Variants in GPM6B observed in about 807,000 individuals in gnomAD.
GPM6B encodes neuronal membrane glycoprotein M6-b.
In GPM6B, 4 loss-of-function variants were observed where a neutral mutation model predicts 27.2. The observed-to-expected ratio is 0.15, with a 90% CI of 0.07 to 0.34. The LOEUF (loss-of-function observed/expected upper bound fraction) is 0.34, where lower values mean the gene tolerates loss of function less well. Ranked by LOEUF, GPM6B falls within the 10% of genes least tolerant of loss-of-function variation. GPM6B has a pLI of 1.00. For synonymous variants in GPM6B, 124 were observed against 103.1 expected, an observed-to-expected ratio of 1.20 and a Z score of -1.23; for missense variants, 183 against 261.9, an observed-to-expected ratio of 0.70 and a Z score of 2.08.
At chrX:13,817,997 G>A (rs1212018088), upstream of GPM6B, among the ~76,000 whole-genome samples, 1 of 111,760 alleles carries the variant, frequency 8.9e-6, no homozygotes, top group East Asian at 2.8e-4. Context: ...AAATCGAAGG[G>A]GTGTTTTCAA....
chrX:13,778,461 GT>G (rs2048457072), intron 5 of GPM6B, among the ~76,000 whole-genome samples: 1 of 112,330 alleles, frequency 8.9e-6, no homozygotes, highest in Non-Finnish European at 1.9e-5. Flanking sequence ...AATGACAGTT[GT>G]CCAGTGGGCT....
intron 1 of GPM6B, among the ~76,000 whole-genome samples, chrX:13,936,951 T>C (rs1454371924): frequency 8.9e-6 from 1 of 112,546 alleles, no homozygotes; most frequent in Non-Finnish European, 1.9e-5. Context: ...TCAGAAAAAG[T>C]AGTTGATGCT....
chrX:13,824,905 G>A (rs1480496618), intron 1 of GPM6B, among the ~76,000 whole-genome samples: 3 of 111,967 alleles, frequency 2.7e-5, no homozygotes, highest in Non-Finnish European at 1.9e-5. Flanking sequence ...GGGCGGGGCC[G>A]TGTTTTCCAT....
chrX:13,925,490 CT>C (rs57186854), intron 1 of GPM6B, among the ~76,000 whole-genome samples: 81 of 79,865 alleles, frequency 1.0e-3, no homozygotes, highest in African/African-American at 1.3e-3. Flanking sequence ...CCATGTCTGG[CT>C]TTTTTTTTTT....
intron 1 of GPM6B, among the ~76,000 whole-genome samples, chrX:13,810,659 C>T (rs1315492951): frequency 1.9e-5 from 2 of 102,654 alleles, no homozygotes; most frequent in Non-Finnish European, 3.9e-5. Context: ...TAGGCAATGA[C>T]AATGAAAAAC....
chrX:13,828,083 A>G lies in GPM6B; in HGVS notation c.-197-42275T>C, dbSNP rs2049397216. On this transcript the variant is annotated intron_variant, in intron 1 of 6. Transcript: ENST00000398361. ...ATGTCACAATGATCTGAGCAACAGA[A>G]AGCATCCAACAAACCCAGGGGTTGG... Among the ~76,000 whole-genome samples, 5 of 111,186 alleles carry G rather than the reference A, an allele frequency of 4.5e-5. No individual in the cohort carries two copies. The South Asian group carries it at 1.9e-3, about 43-fold the overall frequency.
At chrX:13,919,450 G>A (rs2050457612) in intron 1 of GPM6B, among the ~76,000 whole-genome samples, 1 of 111,759 alleles carries the variant, frequency 8.9e-6, no homozygotes, top group Non-Finnish European at 1.9e-5. Flanking sequence ...AGATTATATT[G>A]AATTTTTCTC....
intron 1 of GPM6B, among the ~76,000 whole-genome samples, chrX:13,811,197 A>T (rs1053146485): frequency 3.5e-5 from 4 of 112,729 alleles, no homozygotes; most frequent in Non-Finnish European, 7.5e-5. Context: ...ATGAAGACAG[A>T]CACAGCTGTG....
At chrX:13,774,448 G>A (rs2048368679) in intron 7 of GPM6B, 3 of 1,158,691 alleles carry the variant, frequency 2.6e-6, no homozygotes, top group Non-Finnish European at 3.4e-6. Context: ...ACAAATTACT[G>A]TAACAAAATT....
chrX:13,772,911 C>T lies in GPM6B; in HGVS notation c.957G>A (p.Arg319=). 8.3e-7 allele frequency: 1 copy of T among 1,210,594 alleles called. No individual in the cohort carries two copies. Residue 319 remains arginine, a synonymous_variant, in exon 8 of 8, where the codon CGG becomes CGA. Transcript: ENST00000316715. ...EEQELQDIQS[R]SKEQLNSYT ...TGTAAGAATTGAGTTGTTCTTTTGA[C>T]CGAGACTGGATATCTTGCAGTTCCT...
chrX:13,856,347 T>C (rs368573654), intron 1 of GPM6B, among the ~76,000 whole-genome samples: 1 of 111,406 alleles, frequency 9.0e-6, no homozygotes, highest in East Asian at 2.8e-4. Context: ...GAATACCTCC[T>C]CCAGAGCTTT....
chrX:13,832,030 G>C (rs746608196), intron 1 of GPM6B, among the ~76,000 whole-genome samples: 3 of 111,559 alleles, frequency 2.7e-5, no homozygotes, highest in South Asian at 7.5e-4. Context: ...TCATGAACTG[G>C]GAATTACAAT....
intron 1 of GPM6B, among the ~76,000 whole-genome samples, chrX:13,928,305 T>A (rs1921308568): frequency 8.9e-6 from 1 of 112,550 alleles, no homozygotes; most frequent in Admixed American, 9.4e-5. Context: ...CACTTATGAT[T>A]TGCCCACTTT....
intron 1 of GPM6B, among the ~76,000 whole-genome samples, chrX:13,876,970 A>G (rs2050039916): frequency 9.0e-6 from 1 of 111,253 alleles, no homozygotes; most frequent in Non-Finnish European, 1.9e-5. Context: ...GTGCACAGAC[A>G]AGACCATTTT....
intron 1 of GPM6B, among the ~76,000 whole-genome samples, chrX:13,877,742 C>A (rs377655046): frequency 4.1e-5 from 4 of 96,770 alleles, no homozygotes; most frequent in Admixed American, 3.8e-4. Context: ...GGGAGGATCA[C>A]CTGAGCCTAG....
intron 1 of GPM6B, among the ~76,000 whole-genome samples, chrX:13,886,570 C>A (rs1309359836): frequency 9.3e-6 from 1 of 107,315 alleles, no homozygotes; most frequent in African/African-American, 3.4e-5. Flanking sequence ...CCTCTCTTAG[C>A]CTACATGAAA....
At chrX:13,905,748 T>C (rs2050324671) in intron 1 of GPM6B, among the ~76,000 whole-genome samples, 1 of 111,719 alleles carries the variant, frequency 9.0e-6, no homozygotes, top group Non-Finnish European at 1.9e-5. Flanking sequence ...GCTGCCTGCC[T>C]TCCCAGTTTC....
At chrX:13,822,447 C>G (rs1242518369) in intron 1 of GPM6B, among the ~76,000 whole-genome samples, 3 of 110,692 alleles carry the variant, frequency 2.7e-5, no homozygotes, top group Admixed American at 9.6e-5. Flanking sequence ...CTCACTGTAA[C>G]CTCTGCCTCC....
chrX:13,827,025 C>G (rs2049381166), intron 1 of GPM6B, among the ~76,000 whole-genome samples: 1 of 110,721 alleles, frequency 9.0e-6, no homozygotes, highest in African/African-American at 3.3e-5. Flanking sequence ...TGTCATGTTT[C>G]TGGAGCAGTT....
Sources: gnomAD v4.1 joint callset for allele counts (sites outside exome capture counted in the v4.1 genomes callset) on GRCh38, gnomAD v4.1.1 for gene constraint, MANE v1.5 for transcripts, NCBI Gene and HGNC (gene_info 2026-07-23, HGNC 2026-07-21) for gene names.